Variants in CHRM3 observed in about 807,000 individuals in gnomAD.
The protein encoded by CHRM3 is cholinergic receptor muscarinic 3, also known as muscarinic acetylcholine receptor M3.
In CHRM3, 11 loss-of-function variants were observed where a neutral mutation model predicts 41.8. The observed-to-expected ratio is 0.26, with a 90% CI of 0.17 to 0.44. The LOEUF (loss-of-function observed/expected upper bound fraction) is 0.44, where lower values mean the gene tolerates loss of function less well. Ranked by LOEUF, CHRM3 falls within the 20% of genes least tolerant of loss-of-function variation. CHRM3 has a pLI of 1.00. For synonymous variants in CHRM3, 297 were observed against 301.4 expected, an observed-to-expected ratio of 0.99 and a Z score of 0.15; for missense variants, 571 against 745.4, an observed-to-expected ratio of 0.77 and a Z score of 2.72.
intron 1 of CHRM3, among the ~76,000 whole-genome samples, chr1:239,404,458 GAAAGAA>G (rs1660395594): frequency 7.2e-6 from 1 of 138,908 alleles, no homozygotes; most frequent in African/African-American, 2.8e-5. Flanking sequence ...AAGAAAGAAA[GAAAGAA>G]AGAAAAAGAA....
At chr1:239,639,307 A>G (rs1321740304) in intron 4 of CHRM3, among the ~76,000 whole-genome samples, 1 of 152,180 alleles carries the variant, frequency 6.6e-6, no homozygotes, top group African/African-American at 2.4e-5. Flanking sequence ...GAAGAAAGTC[A>G]TTGGTAGCTT....
chr1:239,888,640 A>G (rs1015388366), intron 6 of CHRM3, among the ~76,000 whole-genome samples: 1 of 151,786 alleles, frequency 6.6e-6, no homozygotes, highest in Non-Finnish European at 1.5e-5. Context: ...AGACTGAATT[A>G]GGTGGGATCA....
rs193164195 is a variant in CHRM3, at chr1:239,445,969, G to A, written c.-520-46740G>A. 1.9e-3 allele frequency among the ~76,000 whole-genome samples: 290 copies of A among 151,158 alleles called. 1 individual carries two copies. Among genetic ancestry groups the A allele is most frequent in the Non-Finnish European group, 3.2e-3 (219 of 67,862 alleles). On this transcript the variant is annotated intron_variant, in intron 1 of 6. Transcript: ENST00000676153. ...TTTTTTTTTTTTGAGACAGAGTCTC[G>A]CTCTGTCACCCAGGCTGCAGTGCAG...
chr1:239,647,258 A>C (rs555903431), intron 4 of CHRM3, among the ~76,000 whole-genome samples: 32 of 151,852 alleles, frequency 2.1e-4, no homozygotes, highest in South Asian at 6.3e-4. Flanking sequence ...TCACCACATC[A>C]CTCCAACTGT....
intron 3 of CHRM3, among the ~76,000 whole-genome samples, chr1:239,580,911 T>A (rs1000295685): frequency 1.3e-5 from 2 of 151,742 alleles, no homozygotes; most frequent in African/African-American, 4.8e-5. Context: ...GGCAGGGCAT[T>A]CTTTACCTCT....
At chr1:239,630,230 C>G (rs1337451667) in intron 3 of CHRM3, among the ~76,000 whole-genome samples, 1 of 152,122 alleles carries the variant, frequency 6.6e-6, no homozygotes, top group Non-Finnish European at 1.5e-5. Context: ...AATGGTGCTA[C>G]TTAATTTTGT....
At chr1:239,892,676 AT>A (rs910126595) in intron 6 of CHRM3, among the ~76,000 whole-genome samples, 1 of 151,940 alleles carries the variant, frequency 6.6e-6, no homozygotes, top group East Asian at 1.9e-4. Flanking sequence ...GAAACTAGCT[AT>A]TTTTTTTCAG....
chr1:239,454,363 A>T (rs1168674884), intron 1 of CHRM3, among the ~76,000 whole-genome samples: 2 of 152,168 alleles, frequency 1.3e-5, no homozygotes, highest in African/African-American at 4.8e-5. Flanking sequence ...AGCCAGATGA[A>T]AGAGATGCAC....
chr1:239,476,329 G>A (rs1666467329), intron 1 of CHRM3, among the ~76,000 whole-genome samples: 1 of 152,102 alleles, frequency 6.6e-6, no homozygotes, highest in Non-Finnish European at 1.5e-5. Flanking sequence ...AGCCGGGCAT[G>A]TTGGTGGGCG....
intron 2 of CHRM3, among the ~76,000 whole-genome samples, chr1:239,508,165 C>T (rs114058819): frequency 0.012 from 1,868 of 152,142 alleles, 35 homozygotes; most frequent in African/African-American, 0.043. Context: ...ATTGGCTCTC[C>T]AAAGTTATTC....
rs867179839 is a variant in CHRM3, at chr1:239,674,582, C to T, written c.-249-3604C>T. Among the ~76,000 whole-genome samples, 18 of 151,640 alleles carry T rather than the reference C, an allele frequency of 1.2e-4. No homozygotes were observed. In the South Asian group the frequency reaches 1.3e-3, roughly 11 times the overall value. ...AAAATTAGCTGGGCTTGGTGGCGGG[C>T]GCCTGTAGTCCCAGCTACTCTGAAG... On this transcript the variant is annotated intron_variant, in intron 4 of 6. Coordinates refer to ENST00000676153, the MANE Select transcript of CHRM3 (RefSeq NM_001375978.1).
At chr1:239,461,234 A>G (rs1359422742) in intron 1 of CHRM3, among the ~76,000 whole-genome samples, 4 of 152,184 alleles carry the variant, frequency 2.6e-5, no homozygotes, top group African/African-American at 7.2e-5. Context: ...TCTGATCAAG[A>G]TTATATTTAA....
intron 4 of CHRM3, among the ~76,000 whole-genome samples, chr1:239,673,116 C>T (rs1674541258): frequency 1.3e-5 from 2 of 152,098 alleles, no homozygotes; most frequent in African/African-American, 4.8e-5. Context: ...AGAATGGCTT[C>T]CCGGAGCTGG....
At chr1:239,900,141 G>A (rs566032311) in intron 6 of CHRM3, among the ~76,000 whole-genome samples, 1 of 152,248 alleles carries the variant, frequency 6.6e-6, no homozygotes, top group South Asian at 2.1e-4. Flanking sequence ...ATATCCTAAT[G>A]CTATGGAATA....
chr1:239,859,823 A>ATATATATATG (rs1231522764), intron 6 of CHRM3, among the ~76,000 whole-genome samples: 1 of 37,610 alleles, frequency 2.7e-5, no homozygotes, highest in African/African-American at 4.8e-5. Flanking sequence ...AGTGTTTTAT[A>ATATATATATG]TATATATATA....
chr1:239,858,474 C>T (rs1235181013), intron 6 of CHRM3, among the ~76,000 whole-genome samples: 1 of 149,258 alleles, frequency 6.7e-6, no homozygotes, highest in Non-Finnish European at 1.5e-5. Context: ...ACCTGTGAAA[C>T]CTGAAGCAAG....
At position 239,545,735 on chromosome 1, in the gene CHRM3, C is replaced by A. The variant is rs1226020469; in HGVS notation, c.-327C>A. On this transcript the variant is annotated 5_prime_UTR_variant, in exon 3 of 7. Coordinates refer to ENST00000676153, the MANE Select transcript of CHRM3 (RefSeq NM_001375978.1). ...CCATCCCCATCATGATGTACAGAACCAAGTCTCTTCACTAGTAGGTATTTT... is the reference window on the plus strand; with the variant it reads ...CCATCCCCATCATGATGTACAGAACAAAGTCTCTTCACTAGTAGGTATTTT... 3 of 152,012 alleles carry A rather than the reference C, an allele frequency of 2.0e-5. No homozygotes were observed. The highest frequency in any genetic ancestry group is 6.6e-5 in the Admixed American group (1 of 15,238). 9.4% of individuals were successfully genotyped at this position (152,012 alleles called of 1,614,324 possible). A position where few individuals can be genotyped will look rare whatever the true frequency, so the allele number is the denominator to read the frequency against.
chr1:239,735,542 T>G (rs1417723119), intron 5 of CHRM3, among the ~76,000 whole-genome samples: 1 of 152,162 alleles, frequency 6.6e-6, no homozygotes, highest in African/African-American at 2.4e-5. Flanking sequence ...TTCCCAAACA[T>G]GGATTCATTA....
intron 3 of CHRM3, among the ~76,000 whole-genome samples, chr1:239,572,770 A>G (rs1355546162): frequency 6.6e-6 from 1 of 152,228 alleles, no homozygotes; most frequent in Non-Finnish European, 1.5e-5. Context: ...TATGGGATGC[A>G]TATGAAACAT....
Sources: allele counts gnomAD v4.1 joint callset (sites outside exome capture counted in the v4.1 genomes callset), GRCh38; gene constraint gnomAD v4.1.1; transcripts MANE v1.5; gene names NCBI Gene and HGNC (gene_info 2026-07-23, HGNC 2026-07-21).